The following DAPK1 variants were observed in gnomAD, a reference collection of about 807,000 sequenced individuals.
DAPK1 encodes the protein death-associated protein kinase 1.
Under a neutral mutation model 144.9 loss-of-function variants are expected in DAPK1, and 56 were observed. The observed-to-expected ratio is 0.39, with a 90% CI of 0.31 to 0.48. The LOEUF is 0.48. Among genes scored for constraint, DAPK1 ranks in the 20% least tolerant of loss-of-function variants. DAPK1 has a pLI of 0.95. For synonymous variants in DAPK1, 690 were observed against 749.0 expected (o/e 0.92, Z 1.29); for missense variants, 1,454 against 1,875.4 (o/e 0.78, Z 4.15).
chr9:87,660,569 G>A (rs990799037), intron 18 of DAPK1, among the ~76,000 whole-genome samples: 2 of 152,048 alleles, frequency 1.3e-5, no homozygotes, highest in Non-Finnish European at 2.9e-5. Context: ...GGTCTTCAGT[G>A]TGTCCATCAC....
chr9:87,583,370 C>T (rs1332165780), intron 2 of DAPK1, among the ~76,000 whole-genome samples: 1 of 152,302 alleles, frequency 6.6e-6, no homozygotes, highest in South Asian at 2.1e-4. Flanking sequence ...CATATTTAAA[C>T]TTGCCACTAG....
intron 3 of DAPK1, among the ~76,000 whole-genome samples, chr9:87,635,194 AG>A (rs1413352287): frequency 6.6e-6 from 1 of 151,974 alleles, no homozygotes. Context: ...GCCAGAGAAG[AG>A]CGGGCAAAGC....
rs1564000967 is a variant in DAPK1 at position 87,571,486 on chromosome 9, C to CCCCA, written c.63-33468_63-33467insCCCA. 4.3e-3 allele frequency among the ~76,000 whole-genome samples: 244 copies of CCCCA among 56,896 alleles called. 27 individuals carry two copies. Among genetic ancestry groups the CCCCA allele is most frequent in the African/African-American group, 0.02 (219 of 11,164 alleles). The allele number at this position is 56,896 out of a possible 152,430, so 37.3% of individuals were successfully genotyped here. On this transcript the variant is annotated intron_variant, in intron 2 of 25. Coordinates refer to ENST00000408954, the MANE Select transcript of DAPK1 (RefSeq NM_004938.4). ...ACACACACACACACCAACACACACA[C>CCCCA]ACACACACCCCAACACACACACACA...
intron 2 of DAPK1, among the ~76,000 whole-genome samples, chr9:87,579,155 A>G (rs36204435): frequency 0.018 from 2,683 of 152,164 alleles, 60 homozygotes; most frequent in African/African-American, 0.058. Flanking sequence ...TGATGCACAC[A>G]TTTCCCCACC....
intron 2 of DAPK1, among the ~76,000 whole-genome samples, chr9:87,560,082 C>G (rs1436974348): frequency 6.6e-6 from 1 of 151,870 alleles, no homozygotes; most frequent in Admixed American, 6.6e-5. Flanking sequence ...CCTCCTCCTC[C>G]CGGGTTCAAG....
At chr9:87,656,208 G>A (rs1377906737) in intron 17 of DAPK1, among the ~76,000 whole-genome samples, 1 of 152,298 alleles carries the variant, frequency 6.6e-6, no homozygotes, top group Admixed American at 6.5e-5. Flanking sequence ...GCCGTGGGCT[G>A]TCGCTGACAC....
chr9:87,584,641 A>G (rs1827875155), intron 2 of DAPK1, among the ~76,000 whole-genome samples: 1 of 149,594 alleles, frequency 6.7e-6, no homozygotes, highest in Non-Finnish European at 1.5e-5. Flanking sequence ...CAGCCATTCT[A>G]ACAAGTGAGA....
chr9:87,696,118 T>A (rs1298832282), intron 21 of DAPK1, among the ~76,000 whole-genome samples: 1 of 151,956 alleles, frequency 6.6e-6, no homozygotes, highest in Non-Finnish European at 1.5e-5. Flanking sequence ...TCTCTTTTTT[T>A]TAATACACCA....
intron 17 of DAPK1, among the ~76,000 whole-genome samples, chr9:87,657,011 CT>C (rs1195604233): frequency 6.6e-6 from 1 of 152,068 alleles, no homozygotes; most frequent in Non-Finnish European, 1.5e-5. Context: ...CATGTGTTAA[CT>C]TTATAACAAA....
At chr9:87,499,579 G>T (rs1338512930) in intron 2 of DAPK1, among the ~76,000 whole-genome samples, 1 of 152,216 alleles carries the variant, frequency 6.6e-6, no homozygotes. Flanking sequence ...TGTAATTTGA[G>T]CAAGTATTGG....
rs1425155020 is a variant in DAPK1 at position 87,698,652 on chromosome 9, C to A, written c.2612-4C>A. 3 of 1,601,230 alleles carry A rather than the reference C, an allele frequency of 1.9e-6. No individual in the cohort carries two copies. Among genetic ancestry groups the A allele is most frequent in the South Asian group, 1.1e-5 (1 of 90,656 alleles). On this transcript the variant is annotated splice_region_variant and splice_polypyrimidine_tract_variant and intron_variant, in intron 22 of 25. Transcript: ENST00000408954. ...CCCTGAAGCAGTTCCCTCTCTGCCC[C>A]CAGCCTTCGGTGGCAAGCTGAAGAA...
chr9:87,513,320 T>C (rs1824921234), intron 2 of DAPK1, among the ~76,000 whole-genome samples: 1 of 152,234 alleles, frequency 6.6e-6, no homozygotes. Flanking sequence ...ACCAACAGTA[T>C]TGGAAAGCCT....
chr9:87,538,772 A>C (rs2118443418), intron 2 of DAPK1, among the ~76,000 whole-genome samples: 1 of 152,272 alleles, frequency 6.6e-6, no homozygotes, highest in African/African-American at 2.4e-5. Flanking sequence ...TTGTAACTTA[A>C]AAAATTAAAT....
At position 87,533,236 on chromosome 9, in the gene DAPK1, C is replaced by G. The variant is rs150666008; in HGVS notation, c.62+34097C>G. ...GTAAAAATAAAAGAATGAAATTGTC[C>G]ATAAAGTAATGCAGGCTTTGAGAAA... On this transcript the variant is annotated intron_variant, in intron 2 of 25. Transcript: ENST00000408954. 7.8e-4 allele frequency among the ~76,000 whole-genome samples: 119 copies of G among 152,306 alleles called. 2 individuals carry two copies. In the East Asian group the frequency reaches 0.013, roughly 16 times the overall value.
chr9:87,570,295 C>T (rs909948166), intron 2 of DAPK1, among the ~76,000 whole-genome samples: 1 of 152,176 alleles, frequency 6.6e-6, no homozygotes, highest in East Asian at 1.9e-4. Flanking sequence ...AGAAACTTCA[C>T]TTCTGACTCC....
chr9:87,585,184 G>A lies in DAPK1; in HGVS notation c.63-19770G>A, dbSNP rs556256322. ...TCCTTTTCTATGCAGAAACTTTTTC[G>A]TTTGATGTAATTCCATTTGTCTATT... On this transcript the variant is annotated intron_variant, in intron 2 of 25. Transcript: ENST00000408954. Among the ~76,000 whole-genome samples the A allele has an allele frequency of 8.5e-5, 13 of 152,140 alleles. No homozygotes were observed. In the East Asian group the frequency reaches 1.7e-3, roughly 20 times the overall value.
At chr9:87,548,215 C>T (rs545155155) in intron 2 of DAPK1, among the ~76,000 whole-genome samples, 1 of 152,316 alleles carries the variant, frequency 6.6e-6, no homozygotes, top group South Asian at 2.1e-4. Flanking sequence ...CATTACCTTT[C>T]GCAAGGCCCC....
chr9:87,681,586 C>T lies in DAPK1; in HGVS notation c.2184C>T (p.Ser728=). ...GGCCCAGACTGTCTTCCACCAACTC[C>T]AGCAGGTTCCCACCTTCACCCCTGG... ...RRRPRLSSTN[S]SRFPPSPLAS... Residue 728 remains serine (S), a synonymous_variant, in exon 20 of 26, where the codon TCC becomes TCT. Coordinates refer to ENST00000408954, the MANE Select transcript of DAPK1 (RefSeq NM_004938.4). The T allele has an allele frequency of 1.2e-6, 2 of 1,610,146 alleles. No individual in the cohort carries two copies. The highest frequency in any genetic ancestry group is 1.7e-6 in the Non-Finnish European group (2 of 1,176,316).
intron 2 of DAPK1, among the ~76,000 whole-genome samples, chr9:87,590,164 C>A (rs753977537): frequency 6.6e-6 from 1 of 152,016 alleles, no homozygotes; most frequent in African/African-American, 2.4e-5. Flanking sequence ...TATGGCTTCA[C>A]GCATTAGTAT....
Sources: allele counts gnomAD v4.1 joint callset (sites outside exome capture counted in the v4.1 genomes callset), GRCh38; gene constraint gnomAD v4.1.1; transcripts MANE v1.5; gene names NCBI Gene and HGNC (gene_info 2026-07-23, HGNC 2026-07-21).